MAP1LC3B: variants seen among roughly 807,000 people sequenced by gnomAD.
MAP1LC3B encodes the protein microtubule associated protein 1 light chain 3 beta, also known as microtubule-associated protein 1 light chain 3 beta.
Under a neutral mutation model 16.7 loss-of-function variants are expected in MAP1LC3B, and 12 were observed. The ratio of observed to expected loss-of-function variants is 0.72; its 90% CI spans 0.46 to 1.16. The LOEUF (loss-of-function observed/expected upper bound fraction) is 1.16. Ranked by LOEUF, MAP1LC3B falls within the 50% of genes most tolerant of loss-of-function variation. The pLI is 0.00. For synonymous variants in MAP1LC3B, 63 were observed against 56.5 expected (o/e 1.11, Z -0.51); for missense variants, 155 against 159.5 (o/e 0.97, Z 0.15).
Position 87,392,346 on chromosome 16 carries a change from T to G in MAP1LC3B, c.-82T>G, listed in dbSNP as rs1447135462. The G allele has an allele frequency of 2.3e-6, 3 of 1,321,078 alleles. No homozygotes were observed. Among genetic ancestry groups the G allele is most frequent in the East Asian group, 3.2e-5 (1 of 31,502 alleles). 81.8% of individuals were successfully genotyped at this position (1,321,078 alleles called of 1,614,324 possible). ...GAAGTGGCTATCGCCAGAGTCGGAT[T>G]CGCCGCCGCAGCAGCCGCCGCCCCC... is the stretch of plus-strand genomic sequence containing the variant. On this transcript the variant is annotated 5_prime_UTR_variant, in exon 1 of 4. The change creates a new upstream start codon in the 5' untranslated region. Coordinates refer to ENST00000268607, the MANE Select transcript of MAP1LC3B (RefSeq NM_022818.5).
rs1597392092 is a variant in MAP1LC3B, at chr16:87,403,364, T to A, written c.*267T>A. The A allele has an allele frequency of 3.5e-6, 1 of 285,876 alleles. No homozygotes were observed. Among genetic ancestry groups the A allele is most frequent in the East Asian group, 7.2e-5 (1 of 13,872 alleles). The allele number at this position is 285,876 out of a possible 1,614,324, so 17.7% of individuals were successfully genotyped here. A position where few individuals can be genotyped will look rare whatever the true frequency, so the allele number is the denominator to read the frequency against. On this transcript the variant is annotated 3_prime_UTR_variant, in exon 4 of 4. Coordinates refer to ENST00000268607, the MANE Select transcript of MAP1LC3B (RefSeq NM_022818.5). ...AAGTTTAAAAATAAAATACTTTGCA[T>A]TCTAAGTTGCCAATAAAATAGACCT...
chr16:87,396,879 G>C (rs888734421), intron 1 of MAP1LC3B: 3 of 152,206 alleles, frequency 2.0e-5, no homozygotes, highest in African/African-American at 4.8e-5. Context: ...CCAGACTAGA[G>C]TGCAGTGGCG....
At position 87,404,642 on chromosome 16, in the gene MAP1LC3B, T is replaced by C. The variant is rs932471076; in HGVS notation, c.*1545T>C. 1 of 152,232 alleles carries C rather than the reference T, an allele frequency of 6.6e-6. No individual in the cohort carries two copies. The highest frequency in any genetic ancestry group is 1.5e-5 in the Non-Finnish European group (1 of 68,048). 9.4% of individuals were successfully genotyped at this position (152,232 alleles called of 1,614,324 possible). On this transcript the variant is annotated 3_prime_UTR_variant, in exon 4 of 4. Coordinates refer to ENST00000268607, the MANE Select transcript of MAP1LC3B (RefSeq NM_022818.5). Reference sequence around the variant, plus strand: ...TGATCAGTAAGATTCCTGTAAGAAATACTGCTTTTTAAGAAAAAAAATAAC... The same window carrying C: ...TGATCAGTAAGATTCCTGTAAGAAACACTGCTTTTTAAGAAAAAAAATAAC...
At chr16:87,399,062 G>C (rs1448509493) in intron 2 of MAP1LC3B, 192 bp downstream of exon 2, 1 of 581,812 alleles carries the variant, frequency 1.7e-6, no homozygotes, top group African/African-American at 1.9e-5. Flanking sequence ...CTGGAGTGCA[G>C]TGGTGCGATC....
chr16:87,404,334 A>G lies in MAP1LC3B; in HGVS notation c.*1237A>G, dbSNP rs1054315772. ...TCACAATTACACCACTTTAGACCCT[A>G]TGTGTAGCAGGTCACAACTTACCCT... On this transcript the variant is annotated 3_prime_UTR_variant, in exon 4 of 4. Transcript: ENST00000268607. 1.4e-4 allele frequency: 21 copies of G among 152,178 alleles called. No individual in the cohort carries two copies. The highest frequency in any genetic ancestry group is 4.6e-4 in the African/African-American group (19 of 41,440). The allele number at this position is 152,178 out of a possible 1,614,324, so 9.4% of individuals were successfully genotyped here. A position where few individuals can be genotyped will look rare whatever the true frequency, so the allele number is the denominator to read the frequency against.
chr16:87,394,947 T>C (rs1261327991), intron 1 of MAP1LC3B, among the ~76,000 whole-genome samples: 1 of 148,734 alleles, frequency 6.7e-6, no homozygotes, highest in Non-Finnish European at 1.5e-5. Context: ...GTTGTTGCTG[T>C]GTGGCCCAGG....
At chr16:87,393,208 G>A (rs1907668783) in intron 1 of MAP1LC3B, 1 of 152,254 alleles carries the variant, frequency 6.6e-6, no homozygotes, top group African/African-American at 2.4e-5. Context: ...ACCCAGCTTA[G>A]GTGTGCTGGC....
chr16:87,402,476 T>C lies in MAP1LC3B; in HGVS notation c.203+195T>C, dbSNP rs2150713778. 8.1e-6 allele frequency: 5 copies of C among 615,410 alleles called. No homozygotes were observed. In the South Asian group the frequency reaches 1.2e-4, roughly 14 times the overall value. The allele number at this position is 615,410 out of a possible 1,614,324, so 38.1% of individuals were successfully genotyped here. ...ATGTTTCTTTTTTTGAGGTTTTATATTACTTGCTAGACTGCAGAGCCCGTT... is the reference window on the plus strand; with the variant it reads ...ATGTTTCTTTTTTTGAGGTTTTATACTACTTGCTAGACTGCAGAGCCCGTT... On this transcript the variant is annotated intron_variant, in intron 3 of 3. Transcript: ENST00000268607.
At chr16:87,402,836 AC>A in intron 3 of MAP1LC3B, 86 bp from the exon 4 acceptor site, 4 of 1,467,596 alleles carry the variant, frequency 2.7e-6, no homozygotes, top group Non-Finnish European at 3.7e-6. Context: ...TTTATATTTT[AC>A]CGATCAGAGT....
At chr16:87,402,584 T>TA (rs1322864105) in intron 3 of MAP1LC3B, 19 of 534,658 alleles carry the variant, frequency 3.6e-5, no homozygotes, top group Non-Finnish European at 1.3e-5. Context: ...CAAAGCTAGT[T>TA]AAAGAGAATG....
At position 87,402,036 on chromosome 16, in the gene MAP1LC3B, C is replaced by CAT; in HGVS notation, c.97-138_97-137dup. Reference sequence around the variant, plus strand: ...ATTTTTAGTAGAGATGGGGTTTCACCATGTTAGCCAGGGTGGTCTCAGTCT... The same window carrying CAT: ...ATTTTTAGTAGAGATGGGGTTTCACCATATGTTAGCCAGGGTGGTCTCAGTCT... On this transcript the variant is annotated intron_variant, in intron 2 of 3. Coordinates refer to ENST00000268607, the MANE Select transcript of MAP1LC3B (RefSeq NM_022818.5). 3 of 666,904 alleles carry CAT rather than the reference C, an allele frequency of 4.5e-6. No individual in the cohort carries two copies. In the South Asian group the frequency reaches 6.4e-5, roughly 14 times the overall value. The allele number at this position is 666,904 out of a possible 1,614,324, so 41.3% of individuals were successfully genotyped here.
chr16:87,400,851 G>C (rs2150712796), intron 2 of MAP1LC3B, among the ~76,000 whole-genome samples: 1 of 151,926 alleles, frequency 6.6e-6, no homozygotes, highest in African/African-American at 2.4e-5. Flanking sequence ...TAGAACTTCA[G>C]CTGGCCGGAC....
chr16:87,393,305 A>G (rs570674795), intron 1 of MAP1LC3B: 3 of 152,284 alleles, frequency 2.0e-5, no homozygotes, highest in Non-Finnish European at 4.4e-5. Flanking sequence ...GAGCAAGAGA[A>G]CGCCGCAGAT....
rs935805668 is a variant in MAP1LC3B at position 87,404,308 on chromosome 16, A to G, written c.*1211A>G. 3 of 152,324 alleles carry G rather than the reference A, an allele frequency of 2.0e-5. No individual in the cohort carries two copies. Among genetic ancestry groups the G allele is most frequent in the Non-Finnish European group, 4.4e-5 (3 of 68,044 alleles). The allele number at this position is 152,324 out of a possible 1,614,324, so 9.4% of individuals were successfully genotyped here. ...GTTTTCTTGGGAGTATCACAGGAAAATCACAATTACACCACTTTAGACCCT... is the reference window on the plus strand; with the variant it reads ...GTTTTCTTGGGAGTATCACAGGAAAGTCACAATTACACCACTTTAGACCCT... On this transcript the variant is annotated 3_prime_UTR_variant, in exon 4 of 4. Coordinates refer to ENST00000268607, the MANE Select transcript of MAP1LC3B (RefSeq NM_022818.5).
intron 1 of MAP1LC3B, among the ~76,000 whole-genome samples, chr16:87,397,901 C>G (rs1035462601): frequency 2.7e-5 from 4 of 149,720 alleles, no homozygotes; most frequent in African/African-American, 1.0e-4. Flanking sequence ...AATGACTTCT[C>G]TCTAACTGTA....
chr16:87,397,279 T>C (rs757533593), intron 1 of MAP1LC3B, among the ~76,000 whole-genome samples: 10 of 152,202 alleles, frequency 6.6e-5, no homozygotes, highest in East Asian at 1.9e-4. Context: ...GTCGAACTTA[T>C]GGCTGTACTT....
At position 87,392,340 on chromosome 16, in the gene MAP1LC3B, T is replaced by A; in HGVS notation, c.-88T>A. 3.9e-6 allele frequency: 5 copies of A among 1,295,228 alleles called. No individual in the cohort carries two copies. Among genetic ancestry groups the A allele is most frequent in the Non-Finnish European group, 5.0e-6 (5 of 1,006,492 alleles). The allele number at this position is 1,295,228 out of a possible 1,614,324, so 80.2% of individuals were successfully genotyped here. ...ACAAGGGAAGTGGCTATCGCCAGAGTCGGATTCGCCGCCGCAGCAGCCGCC... is the reference window on the plus strand; with the variant it reads ...ACAAGGGAAGTGGCTATCGCCAGAGACGGATTCGCCGCCGCAGCAGCCGCC... On this transcript the variant is annotated 5_prime_UTR_variant, in exon 1 of 4. Coordinates refer to ENST00000268607, the MANE Select transcript of MAP1LC3B (RefSeq NM_022818.5).
Position 87,392,361 on chromosome 16 carries a change from C to A in MAP1LC3B, c.-67C>A. The A allele has an allele frequency of 7.3e-7, 1 of 1,360,954 alleles. No homozygotes were observed. The allele number at this position is 1,360,954 out of a possible 1,614,324, so 84.3% of individuals were successfully genotyped here. A position where few individuals can be genotyped will look rare whatever the true frequency, so the allele number is the denominator to read the frequency against. On this transcript the variant is annotated 5_prime_UTR_variant, in exon 1 of 4. Coordinates refer to ENST00000268607, the MANE Select transcript of MAP1LC3B (RefSeq NM_022818.5). ...AGAGTCGGATTCGCCGCCGCAGCAG[C>A]CGCCGCCCCCGGGAGCCGCCGGGAC...
intron 2 of MAP1LC3B, 85 bp downstream of exon 2, chr16:87,398,955 C>T (rs1005016911): frequency 2.6e-6 from 3 of 1,172,946 alleles, no homozygotes; most frequent in African/African-American, 1.5e-5. Context: ...CGGGTTTTTA[C>T]AGGAATCACC....
Sources: gnomAD v4.1 joint callset for allele counts (sites outside exome capture counted in the v4.1 genomes callset) on GRCh38, gnomAD v4.1.1 for gene constraint, MANE v1.5 for transcripts, NCBI Gene and HGNC (gene_info 2026-07-23, HGNC 2026-07-21) for gene names.